The following PLXDC1 variants were observed in gnomAD, a reference collection of about 807,000 sequenced individuals.
PLXDC1 encodes plexin domain-containing protein 1.
Under a neutral mutation model 61.3 loss-of-function variants are expected in PLXDC1, and 39 were observed. The ratio of observed to expected loss-of-function variants is 0.64; its 90% CI spans 0.49 to 0.83. The LOEUF (loss-of-function observed/expected upper bound fraction) is 0.83. Among genes scored for constraint, PLXDC1 ranks in the 40% least tolerant of loss-of-function variants. The pLI is 0.00. For missense variants in PLXDC1, 596 were observed against 666.5 expected, an observed-to-expected ratio of 0.89 and a Z score of 1.17; for synonymous variants, 212 against 254.5, an observed-to-expected ratio of 0.83 and a Z score of 1.59.
chr17:39,142,118 C>T (rs1597661677), intron 1 of PLXDC1, among the ~76,000 whole-genome samples: 1 of 152,286 alleles, frequency 6.6e-6, no homozygotes, highest in Non-Finnish European at 1.5e-5. Context: ...CACCACGCTC[C>T]TCCCCATCCC....
intron 8 of PLXDC1, 74 bp from the exon 9 acceptor site, chr17:39,083,614 C>T: frequency 3.6e-6 from 4 of 1,115,912 alleles, no homozygotes; most frequent in Non-Finnish European, 5.4e-6. Flanking sequence ...CTCTGAATTC[C>T]TGGTATTTAC....
At chr17:39,124,374 C>T (rs574198027) in intron 2 of PLXDC1, among the ~76,000 whole-genome samples, 240 of 152,340 alleles carry the variant, frequency 1.6e-3, no homozygotes, top group Middle Eastern at 3.4e-3. Context: ...GGGAGGGTCA[C>T]TTGAGGCCAG....
intron 7 of PLXDC1, 115 bp downstream of exon 7, chr17:39,105,739 T>TTAAAAAA: frequency 1.5e-6 from 1 of 651,066 alleles, no homozygotes; most frequent in Non-Finnish European, 2.7e-6. Flanking sequence ...GGTTTCCCTC[T>TTAAAAAA]CAACTCTCTG....
chr17:39,079,233 G>C, intron 9 of PLXDC1, 69 bp from the exon 10 acceptor site: 2 of 1,320,198 alleles, frequency 1.5e-6, no homozygotes, highest in Non-Finnish European at 1.1e-6. Context: ...TCACTGTTCA[G>C]TAACAGCTCT....
At chr17:39,101,411 G>T (rs1320353115) in intron 7 of PLXDC1, among the ~76,000 whole-genome samples, 1 of 152,166 alleles carries the variant, frequency 6.6e-6, no homozygotes, top group Non-Finnish European at 1.5e-5. Context: ...GGTATGGGTG[G>T]CAATGAGCCA....
upstream of PLXDC1, chr17:39,152,349 A>C (rs191312213): frequency 4.9e-4 from 219 of 450,876 alleles, no homozygotes; most frequent in African/African-American, 4.2e-3. Flanking sequence ...GCCAGACCCA[A>C]TCAATCTTCA....
At chr17:39,072,987 C>T in intron 11 of PLXDC1, 1 of 168,458 alleles carries the variant, frequency 5.9e-6, no homozygotes, top group South Asian at 1.5e-4. Flanking sequence ...AGCAAGAGTT[C>T]CATGTCAGGA....
At chr17:39,107,625 C>T (rs1910643936) in intron 5 of PLXDC1, 100 bp from the exon 6 acceptor site, 2 of 874,268 alleles carry the variant, frequency 2.3e-6, no homozygotes, top group Non-Finnish European at 3.9e-6. Flanking sequence ...GGTTGGGTCC[C>T]TTCGGGATGA....
At position 39,105,882 on chromosome 17, in the gene PLXDC1, C is replaced by CA; in HGVS notation, c.782dup (p.Met261IlefsTer19). ...GCACATCCGGGGATGGATTGAGAAT[C>CA]ATGAAGGCATCCGATAGGCCGGTTT... On this transcript the variant is annotated frameshift_variant, in exon 7 of 14. Coordinates refer to ENST00000315392, the MANE Select transcript of PLXDC1 (RefSeq NM_020405.5). LOFTEE classifies it high-confidence loss of function. The CA allele has an allele frequency of 6.2e-7, 1 of 1,613,800 alleles. No homozygotes were observed. The highest frequency in any genetic ancestry group is 8.5e-7 in the Non-Finnish European group (1 of 1,179,728).
At chr17:39,140,557 G>A (rs1335559218) in intron 1 of PLXDC1, among the ~76,000 whole-genome samples, 1 of 152,166 alleles carries the variant, frequency 6.6e-6, no homozygotes, top group Non-Finnish European at 1.5e-5. Context: ...CACCCGTCTC[G>A]GCCTCCCAAA....
At chr17:39,111,934 G>C (rs1296230915) in intron 2 of PLXDC1, 1 of 152,266 alleles carries the variant, frequency 6.6e-6, no homozygotes. Flanking sequence ...TCTGCCCAGA[G>C]CTCTTAGCCT....
At chr17:39,147,726 G>A (rs1021517784) in intron 1 of PLXDC1, among the ~76,000 whole-genome samples, 17 of 152,076 alleles carry the variant, frequency 1.1e-4, no homozygotes, top group Middle Eastern at 3.2e-3. Context: ...AGCTCTCTAT[G>A]TGTGTCCCTT....
chr17:39,087,272 C>G (rs1909777126), intron 8 of PLXDC1, among the ~76,000 whole-genome samples: 1 of 152,204 alleles, frequency 6.6e-6, no homozygotes, highest in South Asian at 2.1e-4. Context: ...GGGGCTCAGT[C>G]TAGGCGTTCT....
chr17:39,117,555 A>G (rs764214322), intron 2 of PLXDC1, among the ~76,000 whole-genome samples: 27 of 145,662 alleles, frequency 1.9e-4, no homozygotes, highest in Non-Finnish European at 3.3e-4. Context: ...ACATAGTGAG[A>G]CCCTCCCCCC....
chr17:39,090,889 CT>C (rs1909924260), intron 7 of PLXDC1, among the ~76,000 whole-genome samples: 1 of 41,260 alleles, frequency 2.4e-5, no homozygotes, highest in South Asian at 1.5e-3. Flanking sequence ...CTCCCTCTGT[CT>C]CTCTCTCTCT....
At chr17:39,115,766 G>A (rs1910946445) in intron 2 of PLXDC1, among the ~76,000 whole-genome samples, 3 of 152,090 alleles carry the variant, frequency 2.0e-5, no homozygotes, top group Non-Finnish European at 2.9e-5. Context: ...GGCAACCCTA[G>A]GAGGTGAGCA....
intron 7 of PLXDC1, among the ~76,000 whole-genome samples, chr17:39,101,870 G>A (rs767286251): frequency 2.0e-5 from 3 of 152,092 alleles, no homozygotes; most frequent in African/African-American, 4.8e-5. Flanking sequence ...GGTGTCTAGC[G>A]GCTGGCCCTA....
At chr17:39,114,939 T>C (rs1050553794) in intron 2 of PLXDC1, among the ~76,000 whole-genome samples, 12 of 152,344 alleles carry the variant, frequency 7.9e-5, no homozygotes, top group African/African-American at 2.4e-4. Context: ...AGCCACGCTC[T>C]GCAGTTGTGA....
chr17:39,122,378 CAA>C (rs71141762), intron 2 of PLXDC1, among the ~76,000 whole-genome samples: 49 of 36,512 alleles, frequency 1.3e-3, no homozygotes, highest in Middle Eastern at 0.033. Flanking sequence ...GACTCTGTCT[CAA>C]AAAAAAAAAA....
Sources: allele counts gnomAD v4.1 joint callset (sites outside exome capture counted in the v4.1 genomes callset), GRCh38; gene constraint gnomAD v4.1.1; transcripts MANE v1.5; gene names NCBI Gene and HGNC (gene_info 2026-07-23, HGNC 2026-07-21).